THSD4: variants seen among roughly 807,000 people sequenced by gnomAD.
The protein encoded by THSD4 is thrombospondin type-1 domain-containing protein 4.
THSD4 carries 69 observed loss-of-function variants against 119.0 expected under a neutral mutation model. The observed-to-expected ratio is 0.58, with a 90% CI of 0.48 to 0.71. The LOEUF is 0.71. THSD4 is among the 30% of genes least tolerant of loss of function. The probability of loss-of-function intolerance (pLI) is 0.00; values close to 1 mark genes in which losing one functional copy is unlikely to be tolerated. For missense variants in THSD4, 1,393 were observed against 1,391.1 expected, an observed-to-expected ratio of 1.00 and a Z score of -0.02; for synonymous variants, 524 against 540.4, an observed-to-expected ratio of 0.97 and a Z score of 0.42.
rs1485045433 is a variant in THSD4, at chr15:71,781,026, A to G, written c.*3652A>G. On this transcript the variant is annotated 3_prime_UTR_variant, in exon 18 of 18. Transcript: ENST00000261862. The stretch of plus-strand genomic sequence containing the variant: ...GGAGGAAGACATAAATATAAGTGGT[A>G]AAAAGAAACATGACTTCCCTTAAAA... 3.1e-6 allele frequency: 1 copy of G among 327,190 alleles called. No individual in the cohort carries two copies. The highest frequency in any genetic ancestry group is 6.1e-6 in the Non-Finnish European group (1 of 164,920). 20.3% of individuals were successfully genotyped at this position (327,190 alleles called of 1,614,324 possible).
chr15:71,663,616 C>T (rs1005812837), intron 8 of THSD4, among the ~76,000 whole-genome samples: 1 of 152,198 alleles, frequency 6.6e-6, no homozygotes, highest in Non-Finnish European at 1.5e-5. Flanking sequence ...CCCACTATTC[C>T]TGCTCTGTGA....
chr15:71,657,442 G>A (rs1471792000), intron 7 of THSD4, among the ~76,000 whole-genome samples: 2 of 152,172 alleles, frequency 1.3e-5, no homozygotes, highest in Admixed American at 6.5e-5. Context: ...CAGTTGTCAT[G>A]TGTGTAATTT....
intron 17 of THSD4, among the ~76,000 whole-genome samples, chr15:71,771,997 G>T (rs2053831151): frequency 6.6e-6 from 1 of 152,126 alleles, no homozygotes; most frequent in Non-Finnish European, 1.5e-5. Context: ...ATCTCCAGAG[G>T]CATATTGGAT....
At chr15:71,504,714 T>C (rs1414508835) in intron 7 of THSD4, among the ~76,000 whole-genome samples, 2 of 152,248 alleles carry the variant, frequency 1.3e-5, no homozygotes. Context: ...TAACGTCTTG[T>C]ATTACTAGGG....
chr15:71,491,896 ATTTAT>A (rs1158621942), intron 7 of THSD4, among the ~76,000 whole-genome samples: 1 of 152,098 alleles, frequency 6.6e-6, no homozygotes, highest in Non-Finnish European at 1.5e-5. Context: ...AAAGAAATAA[ATTTAT>A]TTTATTTATA....
chr15:71,514,942 T>C (rs1369203224), intron 7 of THSD4, among the ~76,000 whole-genome samples: 2 of 152,204 alleles, frequency 1.3e-5, no homozygotes, highest in Non-Finnish European at 2.9e-5. Flanking sequence ...ATATTTAAAT[T>C]GTTTCCAGTT....
At chr15:71,574,167 A>C (rs983890761) in intron 7 of THSD4, among the ~76,000 whole-genome samples, 1 of 152,224 alleles carries the variant, frequency 6.6e-6, no homozygotes, top group Non-Finnish European at 1.5e-5. Flanking sequence ...GGTGAGCCAC[A>C]GCCCTTAGTT....
intron 9 of THSD4, chr15:71,728,969 TA>T (rs377113809): frequency 2.5e-5 from 13 of 526,876 alleles, no homozygotes; most frequent in African/African-American, 2.5e-4. Flanking sequence ...ATTGACCCAG[TA>T]AAACCAATTT....
At chr15:71,463,111 A>G (rs1171741915) in intron 7 of THSD4, among the ~76,000 whole-genome samples, 3 of 151,836 alleles carry the variant, frequency 2.0e-5, no homozygotes, top group African/African-American at 7.3e-5. Context: ...GGTTTTTTGA[A>G]CCTAAATGAA....
intron 7 of THSD4, among the ~76,000 whole-genome samples, chr15:71,647,940 G>A (rs2051003346): frequency 6.6e-6 from 1 of 152,182 alleles, no homozygotes; most frequent in Non-Finnish European, 1.5e-5. Flanking sequence ...AGCATGTTGG[G>A]GAAAGCCCGA....
intron 3 of THSD4, among the ~76,000 whole-genome samples, chr15:71,205,733 A>C (rs2043838209): frequency 6.6e-6 from 1 of 152,126 alleles, no homozygotes; most frequent in Non-Finnish European, 1.5e-5. Context: ...GAAAGGTAAA[A>C]TTTGGGGCCT....
chr15:71,397,208 C>T (rs1281720360), intron 6 of THSD4, among the ~76,000 whole-genome samples: 1 of 152,178 alleles, frequency 6.6e-6, no homozygotes, highest in Non-Finnish European at 1.5e-5. Flanking sequence ...TTGGATATAT[C>T]TCTGCCTGGA....
intron 6 of THSD4, among the ~76,000 whole-genome samples, chr15:71,304,004 A>G (rs2044989354): frequency 6.6e-6 from 1 of 152,166 alleles, no homozygotes; most frequent in African/African-American, 2.4e-5. Flanking sequence ...AGAAGTCGAG[A>G]AGGACACGTC....
At chr15:71,161,819 T>C (rs563831969) in intron 3 of THSD4, among the ~76,000 whole-genome samples, 1 of 152,158 alleles carries the variant, frequency 6.6e-6, no homozygotes, top group Admixed American at 6.5e-5. Context: ...TTTGTTTCTT[T>C]CTTCCTTGCT....
intron 5 of THSD4, among the ~76,000 whole-genome samples, chr15:71,248,608 G>A (rs2044227824): frequency 6.6e-6 from 1 of 152,176 alleles, no homozygotes; most frequent in African/African-American, 2.4e-5. Flanking sequence ...ACATGGACAT[G>A]ATGAGTACTG....
chr15:71,300,425 C>T (rs2044932707), intron 6 of THSD4, among the ~76,000 whole-genome samples: 1 of 152,114 alleles, frequency 6.6e-6, no homozygotes, highest in South Asian at 2.1e-4. Context: ...TCTTAACGTT[C>T]AGGGGCTTTC....
intron 7 of THSD4, among the ~76,000 whole-genome samples, chr15:71,574,406 T>C (rs1023452436): frequency 1.3e-5 from 2 of 152,096 alleles, no homozygotes; most frequent in Admixed American, 6.5e-5. Flanking sequence ...GACTCCCTCA[T>C]CTAGATCCTC....
chr15:71,705,037 G>T (rs557850951), intron 8 of THSD4, among the ~76,000 whole-genome samples: 1 of 152,148 alleles, frequency 6.6e-6, no homozygotes. Flanking sequence ...GTAGAATGTG[G>T]GCCCAGCCCT....
chr15:71,747,110 C>T (rs2053355293), intron 13 of THSD4, 68 bp downstream of exon 13: 9 of 1,509,188 alleles, frequency 6.0e-6, no homozygotes, highest in Admixed American at 3.9e-5. Context: ...CAGCCTCCCC[C>T]ACCAAGACCT....
Sources: allele counts gnomAD v4.1 joint callset (sites outside exome capture counted in the v4.1 genomes callset), GRCh38; gene constraint gnomAD v4.1.1; transcripts MANE v1.5; gene names NCBI Gene and HGNC (gene_info 2026-07-23, HGNC 2026-07-21).